Variants in RASEF observed in about 807,000 individuals in gnomAD.
The protein encoded by RASEF is RAS and EF-hand domain containing.
Under a neutral mutation model 90.1 loss-of-function variants are expected in RASEF, and 68 were observed. That is an observed-to-expected ratio of 0.75 (90% CI 0.62 to 0.92). RASEF has a LOEUF of 0.92. Among genes scored for constraint, RASEF ranks in the 40% least tolerant of loss-of-function variants. The pLI is 0.00. For missense variants in RASEF, 949 were observed against 937.2 expected (o/e 1.01, Z -0.16); for synonymous variants, 331 against 345.2 (o/e 0.96, Z 0.46).
chr9:83,065,150 C>G (rs2117942387), upstream of RASEF, among the ~76,000 whole-genome samples: 1 of 152,244 alleles, frequency 6.6e-6, no homozygotes, highest in African/African-American at 2.4e-5. Context: ...ATTCTTATTT[C>G]TACCAATATT....
the RASEF span, among the ~76,000 whole-genome samples, chr9:83,151,683 C>T: frequency 1.3e-5 from 2 of 152,140 alleles, no homozygotes; most frequent in African/African-American, 4.8e-5. Flanking sequence ...TCATTCTGGG[C>T]ACCCAGTTAT....
chr9:83,203,076 A>G, the RASEF span, among the ~76,000 whole-genome samples: 126,306 of 152,106 alleles, frequency 0.83, 52,535 homozygotes, highest in East Asian at 0.96. Flanking sequence ...GAATCTATAT[A>G]TATAGATATT....
intron 1 of RASEF, among the ~76,000 whole-genome samples, chr9:83,044,195 C>T (rs1829889917): frequency 6.6e-6 from 1 of 152,100 alleles, no homozygotes; most frequent in African/African-American, 2.4e-5. Flanking sequence ...CTTCCTTTCA[C>T]AGAGCATCTG....
the RASEF span, among the ~76,000 whole-genome samples, chr9:83,115,100 A>C: frequency 6.6e-6 from 1 of 152,032 alleles, no homozygotes; most frequent in Admixed American, 6.6e-5. Flanking sequence ...TATTTCTCAA[A>C]CCGGCCAACA....
intron 1 of RASEF, among the ~76,000 whole-genome samples, chr9:83,030,919 T>C (rs1423317998): frequency 2.0e-5 from 3 of 152,140 alleles, no homozygotes; most frequent in African/African-American, 7.2e-5. Context: ...CTTTTCCACC[T>C]TTCTCCCTCT....
the RASEF span, among the ~76,000 whole-genome samples, chr9:83,198,567 C>A: frequency 2.6e-5 from 4 of 152,162 alleles, no homozygotes; most frequent in African/African-American, 9.7e-5. Context: ...GATACAGAAG[C>A]CAATCAATGA....
At chr9:83,046,025 G>GA (rs796310857) in intron 1 of RASEF, among the ~76,000 whole-genome samples, 2,981 of 123,402 alleles carry the variant, frequency 0.024, 70 homozygotes, top group African/African-American at 0.068. Context: ...TTCACCTTCG[G>GA]AAAAAAAAAA....
intron 3 of RASEF, among the ~76,000 whole-genome samples, chr9:83,020,541 G>C (rs1240550249): frequency 6.6e-6 from 1 of 152,206 alleles, no homozygotes; most frequent in African/African-American, 2.4e-5. Flanking sequence ...GTGACGTCCT[G>C]GACTGGCGTG....
At chr9:83,196,617 T>A in the RASEF span, among the ~76,000 whole-genome samples, 2 of 152,164 alleles carry the variant, frequency 1.3e-5, no homozygotes, top group Admixed American at 6.5e-5. Context: ...TAAAACCTAT[T>A]TGTGTCCTAT....
chr9:83,155,996 C>T, the RASEF span, among the ~76,000 whole-genome samples: 2 of 152,148 alleles, frequency 1.3e-5, no homozygotes, highest in African/African-American at 4.8e-5. Context: ...CCTGGGATTC[C>T]TTTACCCTGA....
At chr9:83,109,068 T>C in the RASEF span, among the ~76,000 whole-genome samples, 1 of 152,210 alleles carries the variant, frequency 6.6e-6, no homozygotes, top group Non-Finnish European at 1.5e-5. Context: ...TGGAAGAATA[T>C]TGGCACATCT....
At chr9:83,127,842 G>C in the RASEF span, among the ~76,000 whole-genome samples, 2 of 152,172 alleles carry the variant, frequency 1.3e-5, no homozygotes, top group African/African-American at 4.8e-5. Context: ...ACAAATTAGG[G>C]ATGATTTTCC....
chr9:83,198,550 A>G, the RASEF span, among the ~76,000 whole-genome samples: 6,197 of 152,254 alleles, frequency 0.041, 602 homozygotes, highest in East Asian at 0.42. Context: ...AGGCAGCACC[A>G]CAGGGAGATA....
the RASEF span, among the ~76,000 whole-genome samples, chr9:83,132,083 G>A: frequency 1.3e-5 from 2 of 152,282 alleles, no homozygotes; most frequent in South Asian, 4.1e-4. Flanking sequence ...TCAACAAGAT[G>A]TAGAATTGAA....
At position 83,032,746 on chromosome 9, in the gene RASEF, T is replaced by A. The variant is rs143396800; in HGVS notation, c.432-6825A>T. On this transcript the variant is annotated intron_variant, in intron 1 of 16. Transcript: ENST00000376447. ...AACCTTAAATAGCAAATATTCCCATTGAAGCTGAGAGGGAAATTATACGTA... is the reference window on the plus strand; with the variant it reads ...AACCTTAAATAGCAAATATTCCCATAGAAGCTGAGAGGGAAATTATACGTA... Among the ~76,000 whole-genome samples, 1,034 of 152,312 alleles carry A rather than the reference T, an allele frequency of 6.8e-3. 16 individuals are homozygous for A. The highest frequency in any genetic ancestry group is 0.023 in the African/African-American group (969 of 41,560).
Position 83,060,057 on chromosome 9 carries a change from T to C in RASEF, c.431+2380A>G, listed in dbSNP as rs141518661. ...AAATCAACAGTGTCATGCTTTGCCT[T>C]TATAGGAACCAAACATTTTCCTATT... On this transcript the variant is annotated intron_variant, in intron 1 of 16. Coordinates refer to ENST00000376447, the MANE Select transcript of RASEF (RefSeq NM_152573.4). 4.3e-3 allele frequency among the ~76,000 whole-genome samples: 658 copies of C among 152,274 alleles called. 7 individuals are homozygous for C. Among genetic ancestry groups the C allele is most frequent in the African/African-American group, 0.015 (606 of 41,560 alleles).
chr9:83,021,939 C>T (rs1350938978), intron 3 of RASEF, among the ~76,000 whole-genome samples: 1 of 152,116 alleles, frequency 6.6e-6, no homozygotes, highest in Non-Finnish European at 1.5e-5. Context: ...TTAAAGTGGG[C>T]AGCAGGTGTG....
At chr9:83,127,226 G>C in the RASEF span, among the ~76,000 whole-genome samples, 18 of 152,290 alleles carry the variant, frequency 1.2e-4, no homozygotes, top group African/African-American at 4.3e-4. Flanking sequence ...CAACTATAAT[G>C]TCAAATTAAA....
intron 3 of RASEF, among the ~76,000 whole-genome samples, chr9:83,020,954 T>C (rs1310756131): frequency 6.6e-6 from 1 of 152,244 alleles, no homozygotes; most frequent in Non-Finnish European, 1.5e-5. Flanking sequence ...GCTCTGAAGC[T>C]GGACCATGAA....
Sources: allele counts gnomAD v4.1 joint callset (sites outside exome capture counted in the v4.1 genomes callset), GRCh38; gene constraint gnomAD v4.1.1; transcripts MANE v1.5; gene names NCBI Gene and HGNC (gene_info 2026-07-23, HGNC 2026-07-21).